PAWR: variants seen among roughly 807,000 people sequenced by gnomAD.
PAWR encodes PRKC apoptosis WT1 regulator protein.
A neutral mutation model predicts 32.0 loss-of-function variants in PAWR; 23 were observed. That is an observed-to-expected ratio of 0.72 (90% CI 0.52 to 1.02). The LOEUF (loss-of-function observed/expected upper bound fraction) is 1.02, where lower values mean the gene tolerates loss of function less well. Among genes scored for constraint, PAWR ranks in the 50% least tolerant of loss-of-function variants. The pLI is 0.00. For synonymous variants in PAWR, 226 were observed against 187.1 expected, an observed-to-expected ratio of 1.21 and a Z score of -1.70; for missense variants, 457 against 437.7, an observed-to-expected ratio of 1.04 and a Z score of -0.39.
chr12:79,653,236 A>G (rs1876937286), intron 2 of PAWR, among the ~76,000 whole-genome samples: 1 of 152,048 alleles, frequency 6.6e-6, no homozygotes, highest in Non-Finnish European at 1.5e-5. Context: ...GGGTTTCACC[A>G]TGTTGGCCAG....
At chr12:79,620,538 G>A (rs1247291431) in intron 3 of PAWR, among the ~76,000 whole-genome samples, 3 of 152,160 alleles carry the variant, frequency 2.0e-5, no homozygotes, top group Non-Finnish European at 4.4e-5. Flanking sequence ...CCTCATTTGT[G>A]AGGCAAGGTC....
intron 2 of PAWR, among the ~76,000 whole-genome samples, chr12:79,647,581 C>T (rs1196791419): frequency 6.6e-6 from 1 of 152,160 alleles, no homozygotes; most frequent in Non-Finnish European, 1.5e-5. Flanking sequence ...GGATAACTAG[C>T]AGCTATACTG....
intron 6 of PAWR, 82 bp downstream of exon 6, chr12:79,594,247 T>G: frequency 1.7e-6 from 1 of 595,160 alleles, no homozygotes; most frequent in South Asian, 2.3e-5. Flanking sequence ...ATAATGCAAT[T>G]AATAATTTCT....
chr12:79,683,605 CTT>C (rs78796038), intron 2 of PAWR, among the ~76,000 whole-genome samples: 91 of 136,736 alleles, frequency 6.7e-4, no homozygotes, highest in Admixed American at 6.7e-4. Context: ...GTGGAAACTC[CTT>C]TTTTTTTTTT....
intron 4 of PAWR, 86 bp downstream of exon 4, chr12:79,613,489 G>T: frequency 1.6e-6 from 1 of 625,894 alleles, no homozygotes; most frequent in Non-Finnish European, 2.8e-6. Context: ...TTTTCAAAAA[G>T]CTGCTTTAAA....
chr12:79,655,055 G>A (rs1284124614), intron 2 of PAWR, among the ~76,000 whole-genome samples: 2 of 152,176 alleles, frequency 1.3e-5, no homozygotes, highest in African/African-American at 4.8e-5. Flanking sequence ...GTACTCTATA[G>A]GAAAAGTTAA....
intron 3 of PAWR, among the ~76,000 whole-genome samples, chr12:79,618,013 G>A (rs541759556): frequency 6.6e-6 from 1 of 152,296 alleles, no homozygotes; most frequent in African/African-American, 2.4e-5. Flanking sequence ...GTAGCCTGTA[G>A]AAGTGTGAGA....
intron 2 of PAWR, among the ~76,000 whole-genome samples, chr12:79,636,117 G>T (rs1470202093): frequency 6.6e-6 from 1 of 152,044 alleles, no homozygotes; most frequent in Non-Finnish European, 1.5e-5. Context: ...ACTTGACTTA[G>T]AAATCTTAAA....
At chr12:79,670,613 G>A (rs1182331552) in intron 2 of PAWR, among the ~76,000 whole-genome samples, 1 of 151,948 alleles carries the variant, frequency 6.6e-6, no homozygotes, top group Non-Finnish European at 1.5e-5. Context: ...TGTTACAAAG[G>A]GAGTAATTTA....
chr12:79,636,132 A>G (rs1228350429), intron 2 of PAWR, among the ~76,000 whole-genome samples: 1 of 152,190 alleles, frequency 6.6e-6, no homozygotes, highest in Admixed American at 6.5e-5. Flanking sequence ...CTTAAAGGCA[A>G]TAGTTTCCTA....
intron 4 of PAWR, among the ~76,000 whole-genome samples, chr12:79,609,059 G>C (rs1874322328): frequency 6.6e-6 from 1 of 152,008 alleles, no homozygotes; most frequent in South Asian, 2.1e-4. Context: ...ACAGGAGTGA[G>C]ACTCCACCTC....
chr12:79,623,496 T>C (rs8176857), intron 2 of PAWR, among the ~76,000 whole-genome samples: 2,326 of 125,186 alleles, frequency 0.019, 116 homozygotes, highest in East Asian at 0.18. Context: ...CAAAAACATT[T>C]TAGAATTATG....
intron 2 of PAWR, among the ~76,000 whole-genome samples, chr12:79,680,599 T>G (rs897151088): frequency 6.6e-6 from 1 of 152,140 alleles, no homozygotes; most frequent in African/African-American, 2.4e-5. Context: ...CTGCACAATT[T>G]TGCATACCAT....
chr12:79,621,308 T>G (rs984668615), intron 2 of PAWR, 101 bp from the exon 3 acceptor site: 1 of 874,570 alleles, frequency 1.1e-6, no homozygotes. Flanking sequence ...ATTTGTGCAT[T>G]CAGAAATTAG....
At chr12:79,680,680 C>A (rs888569416) in intron 2 of PAWR, among the ~76,000 whole-genome samples, 2 of 152,118 alleles carry the variant, frequency 1.3e-5, no homozygotes, top group Non-Finnish European at 2.9e-5. Context: ...CAACCACCAA[C>A]TTCCCAGTGA....
intron 5 of PAWR, among the ~76,000 whole-genome samples, chr12:79,595,321 G>A (rs996731224): frequency 1.3e-5 from 2 of 152,092 alleles, no homozygotes; most frequent in Admixed American, 1.3e-4. Context: ...AGGGCACTGG[G>A]CTTGGTCAGC....
chr12:79,629,401 C>T (rs1875497261), intron 2 of PAWR, among the ~76,000 whole-genome samples: 1 of 151,940 alleles, frequency 6.6e-6, no homozygotes, highest in African/African-American at 2.4e-5. Context: ...AGGGATATTA[C>T]ATAATGATAA....
intron 2 of PAWR, among the ~76,000 whole-genome samples, chr12:79,657,682 G>A (rs931062502): frequency 4.6e-5 from 7 of 151,734 alleles, no homozygotes; most frequent in East Asian, 1.9e-4. Flanking sequence ...TAGTCCCAGC[G>A]ACTCGGGAGG....
intron 2 of PAWR, among the ~76,000 whole-genome samples, chr12:79,644,584 T>TA (rs1876481765): frequency 6.6e-6 from 1 of 152,124 alleles, no homozygotes; most frequent in Non-Finnish European, 1.5e-5. Flanking sequence ...AAGTTTTAAA[T>TA]AAACAAAAAC....
Sources: allele counts gnomAD v4.1 joint callset (sites outside exome capture counted in the v4.1 genomes callset), GRCh38; gene constraint gnomAD v4.1.1; transcripts MANE v1.5; gene names NCBI Gene and HGNC (gene_info 2026-07-23, HGNC 2026-07-21).